DCHS2: variants seen among roughly 807,000 people sequenced by gnomAD.
DCHS2 encodes the protein protocadherin-23.
In DCHS2, 142 loss-of-function variants were observed where a neutral mutation model predicts 182.4. The observed-to-expected ratio is 0.78, with a 90% CI of 0.68 to 0.89. The LOEUF is 0.89. DCHS2 is among the 40% of genes least tolerant of loss of function. DCHS2 has a pLI of 0.00. For synonymous variants in DCHS2, 1,740 were observed against 1,663.3 expected (o/e 1.05, Z -1.12); for missense variants, 4,319 against 4,198.6 (o/e 1.03, Z -0.79).
At chr4:154,457,127 A>G (rs757680328) in intron 1 of DCHS2, among the ~76,000 whole-genome samples, 5 of 152,190 alleles carry the variant, frequency 3.3e-5, no homozygotes, top group East Asian at 1.9e-4. Context: ...TGTGCTTTAC[A>G]TAAGTTTACC....
At position 154,320,436 on chromosome 4, in the gene DCHS2, T is replaced by C. The variant is rs927612353; in HGVS notation, c.4963A>G (p.Thr1655Ala). 1 of 1,614,138 alleles carries C rather than the reference T, an allele frequency of 6.2e-7. No individual in the cohort carries two copies. The highest frequency in any genetic ancestry group is 8.5e-7 in the Non-Finnish European group (1 of 1,179,994). Residue 1655 changes from threonine (T) to alanine (A), a missense_variant, in exon 9 of 20, where the codon ACA becomes GCA. Thr to Ala is a moderately conservative substitution (Grantham distance 58). Transcript: ENST00000357232. ...DPDEGRNGKV[T>A]YSILSGNENM... ...TCATTTCCTGAGAGGATGCTGTATG[T>C]TACTTTTCCATTCCTTCCTTCGTCT...
At chr4:154,436,435 A>G (rs1180331991) in intron 1 of DCHS2, among the ~76,000 whole-genome samples, 1 of 152,182 alleles carries the variant, frequency 6.6e-6, no homozygotes, top group Non-Finnish European at 1.5e-5. Context: ...CTGCATGAAA[A>G]GCTATTATTT....
At chr4:154,404,733 C>G (rs1480469643) in intron 1 of DCHS2, among the ~76,000 whole-genome samples, 6 of 152,160 alleles carry the variant, frequency 3.9e-5, no homozygotes, top group African/African-American at 1.2e-4. Context: ...TATTATGTCT[C>G]CAATGATTAA....
rs1340219137 is a variant in DCHS2 at position 154,414,483 on chromosome 4, CTTT to C, written c.2053-37042_2053-37040del. 7.5e-5 allele frequency among the ~76,000 whole-genome samples: 9 copies of C among 119,458 alleles called. No individual in the cohort carries two copies. The East Asian group carries it at 2.2e-3, about 29-fold the overall frequency. 78.4% of individuals were successfully genotyped at this position (119,458 alleles called of 152,430 possible). A position where few individuals can be genotyped will look rare whatever the true frequency, so the allele number is the denominator to read the frequency against. ...GAAGACAAAAAATATCTCCATACAG[CTTT>C]CTTTTTTTTTTTTTTTTTTTTTTTT... On this transcript the variant is annotated intron_variant, in intron 1 of 19. Transcript: ENST00000357232.
chr4:154,426,417 G>A (rs1479009566), intron 1 of DCHS2, among the ~76,000 whole-genome samples: 1 of 152,024 alleles, frequency 6.6e-6, no homozygotes, highest in Non-Finnish European at 1.5e-5. Context: ...AGATTGGGAG[G>A]CATTCCATTC....
chr4:154,342,214 T>TAA (rs33949750), intron 3 of DCHS2, among the ~76,000 whole-genome samples: 26,294 of 150,626 alleles, frequency 0.17, 2,611 homozygotes, highest in Admixed American at 0.29. Flanking sequence ...ATTTTATTGG[T>TAA]AAAAAAAAAA....
chr4:154,322,768 A>T (rs924423387), intron 7 of DCHS2: 7 of 326,622 alleles, frequency 2.1e-5, no homozygotes, highest in Non-Finnish European at 3.8e-5. Context: ...ATCTTATTTC[A>T]TCTATTCCCC....
rs1736047854 is a variant in DCHS2 at position 154,321,165 on chromosome 4, T to G, written c.4234A>C (p.Ile1412Leu). ...IMSQNIRHLI[I>L]PENLKPTKIM... is the part of the protein sequence containing the mutation. ...TTTGTGGGCTTCAAATTTTCTGGTATAATTAAATGTCTAATATTCTGAGAC... is the reference window on the plus strand; with the variant it reads ...TTTGTGGGCTTCAAATTTTCTGGTAGAATTAAATGTCTAATATTCTGAGAC... The change falls in exon 9 of 20, where the codon ATA becomes CTA. Residue 1412 changes from isoleucine (I) to leucine (L), a missense_variant. By Grantham distance (5) the Ile-to-Leu change is conservative (BLOSUM62 2). Transcript: ENST00000357232. 6.3e-7 allele frequency: 1 copy of G among 1,588,170 alleles called. No homozygotes were observed. Among genetic ancestry groups the G allele is most frequent in the Non-Finnish European group, 8.6e-7 (1 of 1,164,326 alleles).
At chr4:154,363,671 AT>A (rs1158200475) in intron 3 of DCHS2, among the ~76,000 whole-genome samples, 2 of 152,342 alleles carry the variant, frequency 1.3e-5, no homozygotes, top group African/African-American at 4.8e-5. Flanking sequence ...AATATGTTCT[AT>A]ACTTGAAAAT....
At chr4:154,250,994 C>T (rs995401355) in intron 16 of DCHS2, among the ~76,000 whole-genome samples, 133 of 152,332 alleles carry the variant, frequency 8.7e-4, no homozygotes, top group Non-Finnish European at 2.9e-4. Flanking sequence ...CAAACACTTT[C>T]ACGTTCCCGT....
intron 13 of DCHS2, among the ~76,000 whole-genome samples, chr4:154,295,175 G>A (rs1734866976): frequency 6.6e-6 from 1 of 152,230 alleles, no homozygotes; most frequent in African/African-American, 2.4e-5. Flanking sequence ...CCAGATGTGG[G>A]ACTTGGGTGA....
chr4:154,269,775 T>TAA (rs11412936), intron 14 of DCHS2, 125 bp downstream of exon 14: 3 of 1,117,500 alleles, frequency 2.7e-6, no homozygotes, highest in Non-Finnish European at 3.8e-6. Context: ...TAGGCTAGCT[T>TAA]AAAAAATTCT....
intron 1 of DCHS2, among the ~76,000 whole-genome samples, chr4:154,414,056 A>T (rs1347456503): frequency 2.6e-5 from 4 of 152,148 alleles, no homozygotes; most frequent in Non-Finnish European, 5.9e-5. Flanking sequence ...AAAAAATAAC[A>T]ATAAATTCCA....
chr4:154,308,260 A>G (rs1055507075), intron 10 of DCHS2, among the ~76,000 whole-genome samples: 3 of 151,968 alleles, frequency 2.0e-5, no homozygotes, highest in Non-Finnish European at 4.4e-5. Context: ...ATTTAAAAAA[A>G]AAAAACAAAA....
intron 13 of DCHS2, among the ~76,000 whole-genome samples, chr4:154,291,584 A>T (rs1436655138): frequency 6.6e-6 from 1 of 152,196 alleles, no homozygotes; most frequent in African/African-American, 2.4e-5. Context: ...AAAATGTGGT[A>T]CATATACACA....
chr4:154,257,640 G>A (rs1381509530), intron 15 of DCHS2, among the ~76,000 whole-genome samples: 1 of 152,098 alleles, frequency 6.6e-6, no homozygotes, highest in Non-Finnish European at 1.5e-5. Flanking sequence ...GGAGTTTGTG[G>A]GGCTGTAACC....
intron 16 of DCHS2, among the ~76,000 whole-genome samples, chr4:154,243,488 T>C (rs954507783): frequency 1.3e-5 from 2 of 152,194 alleles, no homozygotes; most frequent in African/African-American, 4.8e-5. Context: ...GTTCAACTAA[T>C]TATGTATCTT....
chr4:154,390,014 C>T (rs1731614004), intron 1 of DCHS2, among the ~76,000 whole-genome samples: 1 of 152,128 alleles, frequency 6.6e-6, no homozygotes, highest in Non-Finnish European at 1.5e-5. Context: ...GGCACTTCAA[C>T]ATCTTTTTAG....
chr4:154,390,723 G>T (rs1364182792), intron 1 of DCHS2, among the ~76,000 whole-genome samples: 1 of 147,426 alleles, frequency 6.8e-6, no homozygotes, highest in Non-Finnish European at 1.5e-5. Flanking sequence ...TATGATCATT[G>T]TCATGTACAA....
Sources: gnomAD v4.1 joint callset for allele counts (sites outside exome capture counted in the v4.1 genomes callset) on GRCh38, gnomAD v4.1.1 for gene constraint, MANE v1.5 for transcripts, NCBI Gene and HGNC (gene_info 2026-07-23, HGNC 2026-07-21) for gene names.